The following CLCN1 variants were observed in gnomAD, a reference collection of about 807,000 sequenced individuals.
The protein encoded by CLCN1 is chloride channel protein 1.
A neutral mutation model predicts 114.5 loss-of-function variants in CLCN1; 100 were observed. That is an observed-to-expected ratio of 0.87 (90% CI 0.74 to 1.03). The LOEUF is 1.03. CLCN1 is among the 50% of genes least tolerant of loss of function. The pLI, the probability that CLCN1 is intolerant of heterozygous loss-of-function variation, is 0.00. For synonymous variants in CLCN1, 485 were observed against 487.1 expected (o/e 1.00, Z 0.06); for missense variants, 1,188 against 1,250.0 (o/e 0.95, Z 0.75).
Position 143,321,357 on chromosome 7 carries a change from C to T in CLCN1, c.434-8C>T. On this transcript the variant is annotated splice_polypyrimidine_tract_variant and splice_region_variant and intron_variant, in intron 3 of 22. Coordinates refer to ENST00000343257, the MANE Select transcript of CLCN1 (RefSeq NM_000083.3). This position sits in a 1 kb window ranked among gnomAD's most constrained non-coding sequence, Gnocchi z 4.2. ...GTTCTGCCTAACCCCAGGCATGTGTCTCCGCAGCCTACAAGTGGTCCTACG... is the reference window on the plus strand; with the variant it reads ...GTTCTGCCTAACCCCAGGCATGTGTTTCCGCAGCCTACAAGTGGTCCTACG... 1 of 1,614,166 alleles carries T rather than the reference C, an allele frequency of 6.2e-7. No individual in the cohort carries two copies. The highest frequency in any genetic ancestry group is 1.1e-5 in the South Asian group (1 of 91,064).
intron 10 of CLCN1, among the ~76,000 whole-genome samples, 156 bp from the exon 11 acceptor site, chr7:143,332,263 C>T (rs550288132): frequency 3.8e-4 from 58 of 152,290 alleles, no homozygotes; most frequent in African/African-American, 1.3e-3. Flanking sequence ...CCACCGCACT[C>T]GGCCTCAAAT....
At chr7:143,341,454 A>G (rs1163229273) in intron 14 of CLCN1, among the ~76,000 whole-genome samples, 2 of 151,894 alleles carry the variant, frequency 1.3e-5, no homozygotes, top group African/African-American at 4.8e-5. Flanking sequence ...GGCTACTCGG[A>G]AGACTGAGGC....
intron 14 of CLCN1, among the ~76,000 whole-genome samples, chr7:143,340,702 T>C (rs1168181642): frequency 6.6e-6 from 1 of 152,150 alleles, no homozygotes; most frequent in Non-Finnish European, 1.5e-5. Context: ...CTGGCTAATT[T>C]TTGTAATTTT....
At chr7:143,326,385 A>G (rs1425477670) in intron 7 of CLCN1, among the ~76,000 whole-genome samples, 1 of 152,252 alleles carries the variant, frequency 6.6e-6, no homozygotes, top group Non-Finnish European at 1.5e-5. Flanking sequence ...AATGAAATAA[A>G]TGGAATTCAG....
rs1397093084 is a variant in CLCN1 at position 143,345,781 on chromosome 7, G to C, written c.2172+19G>C. 1.2e-6 allele frequency: 2 copies of C among 1,607,416 alleles called. No homozygotes were observed. The highest frequency in any genetic ancestry group is 1.7e-6 in the Non-Finnish European group (2 of 1,177,668). The stretch of plus-strand genomic sequence containing the variant: ...GAGCGAGGTGACCGCGCCGGGAAGG[G>C]CTAGGGAGTGGGATAGATCAGGAGC... On this transcript the variant is annotated intron_variant, in intron 17 of 22. Transcript: ENST00000343257.
intron 1 of CLCN1, 138 bp downstream of exon 1, chr7:143,316,530 G>A: frequency 2.6e-6 from 2 of 780,642 alleles, no homozygotes; most frequent in Non-Finnish European, 4.1e-6. Context: ...ACGTGGTGAT[G>A]TGTTCAAAAT....
chr7:143,330,722 G>A, intron 7 of CLCN1, 50 bp from the exon 8 acceptor site: 1 of 1,612,684 alleles, frequency 6.2e-7, no homozygotes. Context: ...GAGTGTGGGG[G>A]AGCACTTTCA....
At position 143,332,830 on chromosome 7, in the gene CLCN1, G is replaced by A. The variant is rs754440141; in HGVS notation, c.1358G>A (p.Arg453Gln). ...CAGTCAGCTGTGTGGATTCACCCCC[G>A]GGTCAACGTTGTCATCATCATCTTT... ...LGQSAVWIHP[R>Q]VNVVIIIFLF... The change falls in exon 12 of 23, where the codon CGG becomes CAG. Residue 453 changes from arginine (R) to glutamine (Q), a missense_variant. By Grantham distance (43) the Arg-to-Gln change is conservative. Coordinates refer to ENST00000343257, the MANE Select transcript of CLCN1 (RefSeq NM_000083.3). 47 of 1,614,102 alleles carry A rather than the reference G, an allele frequency of 2.9e-5. No homozygotes were observed. The highest frequency in any genetic ancestry group is 1.1e-4 in the South Asian group (10 of 91,084).
At chr7:143,344,752 T>G (rs1346040865) in intron 16 of CLCN1, among the ~76,000 whole-genome samples, 405 of 13,232 alleles carry the variant, frequency 0.031, 3 homozygotes, top group African/African-American at 0.14. Context: ...CCTAGCAGGG[T>G]TTTTTTTTTT....
chr7:143,327,937 G>A (rs192246213), intron 7 of CLCN1, among the ~76,000 whole-genome samples: 1 of 152,320 alleles, frequency 6.6e-6, no homozygotes, highest in Admixed American at 6.5e-5. Context: ...TTACAGGCAT[G>A]GGCCACCTGC....
chr7:143,331,631 T>A lies in CLCN1; in HGVS notation c.1145T>A (p.Leu382His). The A allele has an allele frequency of 6.2e-7, 1 of 1,613,696 alleles. No individual in the cohort carries two copies. The highest frequency in any genetic ancestry group is 8.5e-7 in the Non-Finnish European group (1 of 1,179,574). ...CTCGGTGTCCGAAAGCACAAGGCCC[T>A]CAGCCAGTTTCTTGCTAAGCAGTGA... The part of the protein sequence containing the change: ...VMLGVRKHKA[L>H]SQFLAKHRLL... Residue 382 changes from leucine (L) to histidine (H), a missense_variant, in exon 10 of 23, where the codon CTC becomes CAC. Physicochemically the swap from Leu to His is moderately conservative, Grantham distance 99. Transcript: ENST00000343257.
intron 18 of CLCN1, 32 bp from the exon 19 acceptor site, chr7:143,346,547 G>T (rs1464185492): frequency 6.5e-7 from 1 of 1,542,560 alleles, no homozygotes; most frequent in Non-Finnish European, 9.0e-7. Flanking sequence ...GTTGCTTTGT[G>T]TCCATTTCCA....
chr7:143,342,597 T>G, intron 16 of CLCN1, 92 bp downstream of exon 16: 1 of 1,293,448 alleles, frequency 7.7e-7, no homozygotes, highest in East Asian at 2.4e-5. Flanking sequence ...GGGCTTTGTC[T>G]TTAGGGGCCA....
chr7:143,334,672 C>T (rs1802823811), intron 12 of CLCN1, among the ~76,000 whole-genome samples: 1 of 152,122 alleles, frequency 6.6e-6, no homozygotes, highest in Admixed American at 6.5e-5. Context: ...ACGTGAAACA[C>T]CAGATTTCAA....
At chr7:143,349,791 G>A (rs1803347271) in intron 20 of CLCN1, among the ~76,000 whole-genome samples, 1 of 152,174 alleles carries the variant, frequency 6.6e-6, no homozygotes, top group Admixed American at 6.5e-5. Flanking sequence ...GACAAATGCA[G>A]AGGTAAGACA....
chr7:143,320,027 C>CTCTTA, intron 2 of CLCN1, 152 bp downstream of exon 2: 2 of 813,486 alleles, frequency 2.5e-6, no homozygotes, highest in Non-Finnish European at 4.0e-6. Flanking sequence ...CTCACTCTGT[C>CTCTTA]ATTCAGACTG....
At position 143,324,523 on chromosome 7, in the gene CLCN1, G is replaced by C. The variant is rs183641267; in HGVS notation, c.853+31G>C. 4.7e-5 allele frequency: 73 copies of C among 1,547,464 alleles called. No individual in the cohort carries two copies. The East Asian group carries it at 1.4e-3, about 30-fold the overall frequency. On this transcript the variant is annotated intron_variant, in intron 7 of 22. Transcript: ENST00000343257. The surrounding 1 kb of genome is among the most constrained non-coding windows in gnomAD (Gnocchi z 4.6). Reference sequence around the variant, plus strand: ...TGATTGACCCCCTCCCCCATCAATCGGCTTGCCTGGCCTGGCTCCCAAAAC... The same window carrying C: ...TGATTGACCCCCTCCCCCATCAATCCGCTTGCCTGGCCTGGCTCCCAAAAC...
rs1803353624 is a variant in CLCN1 at position 143,350,107 on chromosome 7, T to C, written c.2404-265T>C. On this transcript the variant is annotated intron_variant, in intron 20 of 22. Coordinates refer to ENST00000343257, the MANE Select transcript of CLCN1 (RefSeq NM_000083.3). This position sits in a 1 kb window ranked among gnomAD's most constrained non-coding sequence, Gnocchi z 5.1. ...AACAAATGTTTGGGACGCCAGGGGA[T>C]AGGAGAGTTGGAGCCTAGAAGAGGG... Among the ~76,000 whole-genome samples, 1 of 151,856 alleles carries C rather than the reference T, an allele frequency of 6.6e-6. No homozygotes were observed. The highest frequency in any genetic ancestry group is 2.4e-5 in the African/African-American group (1 of 41,384).
Position 143,350,789 on chromosome 7 carries a change from T to TC in CLCN1, c.2595+135_2595+136insC, listed in dbSNP as rs1001805652. Reference sequence around the variant, plus strand: ...CCTTCTCTATTTCTTTCTTTTTTTTTTTTTTGAGACAGAGTTTCACTCTTG... The same window carrying TC: ...CCTTCTCTATTTCTTTCTTTTTTTTTCTTTTTGAGACAGAGTTTCACTCTTG... On this transcript the variant is annotated intron_variant, in intron 22 of 22. Coordinates refer to ENST00000343257, the MANE Select transcript of CLCN1 (RefSeq NM_000083.3). The surrounding 1 kb of genome is among the most constrained non-coding windows in gnomAD (Gnocchi z 5.1). 1.4e-6 allele frequency: 1 copy of TC among 711,898 alleles called. No homozygotes were observed. Among genetic ancestry groups the TC allele is most frequent in the African/African-American group, 1.8e-5 (1 of 56,088 alleles). The allele number at this position is 711,898 out of a possible 1,614,324, so 44.1% of individuals were successfully genotyped here.
Sources: gnomAD v4.1 joint callset for allele counts (sites outside exome capture counted in the v4.1 genomes callset) on GRCh38, gnomAD v4.1.1 for gene constraint, Gnocchi (gnomAD v3.1) non-coding constraint, MANE v1.5 for transcripts, NCBI Gene and HGNC (gene_info 2026-07-23, HGNC 2026-07-21) for gene names.